TNIK: variants seen among roughly 807,000 people sequenced by gnomAD.
The protein encoded by TNIK is TRAF2 and NCK interacting kinase, also known as TRAF2 and NCK-interacting protein kinase.
TNIK carries 49 observed loss-of-function variants against 191.3 expected under a neutral mutation model. The ratio of observed to expected loss-of-function variants is 0.26; its 90% CI spans 0.20 to 0.32. TNIK has a LOEUF of 0.32. Among genes scored for constraint, TNIK ranks in the 10% least tolerant of loss-of-function variants. TNIK has a pLI of 1.00. For synonymous variants in TNIK, 594 were observed against 600.9 expected (o/e 0.99, Z 0.17); for missense variants, 1,155 against 1,702.3 (o/e 0.68, Z 5.66).
At chr3:171,256,660 A>T (rs1433768773) in intron 2 of TNIK, among the ~76,000 whole-genome samples, 1 of 152,208 alleles carries the variant, frequency 6.6e-6, no homozygotes, top group Non-Finnish European at 1.5e-5. Flanking sequence ...CTGAGGAGTC[A>T]TCCAATTTAC....
At chr3:171,314,213 C>T (rs1429890106) in intron 2 of TNIK, among the ~76,000 whole-genome samples, 1 of 152,174 alleles carries the variant, frequency 6.6e-6, no homozygotes, top group Non-Finnish European at 1.5e-5. Context: ...CTGAAGACTT[C>T]CAGCATCAGA....
intron 2 of TNIK, among the ~76,000 whole-genome samples, chr3:171,361,100 G>A (rs1714905413): frequency 2.0e-5 from 3 of 152,138 alleles, no homozygotes; most frequent in African/African-American, 7.2e-5. Context: ...ACCCAAAAGA[G>A]CACTTACACT....
chr3:171,110,969 G>T, intron 18 of TNIK, 92 bp from the exon 19 acceptor site: 2 of 1,304,716 alleles, frequency 1.5e-6, no homozygotes, highest in East Asian at 2.8e-5. Flanking sequence ...CCCAAAATAT[G>T]TAAGGAACTC....
In TNIK at chr3:171,087,491, T is replaced by G. The variant is rs1340420482; in HGVS notation, c.2737A>C (p.Lys913Gln). ...LMIRETSGEK[K>Q]RSGHSDSNGF... ...TTGCTGTCACTGTGGCCAGATCGCT[T>G]CTTCTCTCCAGACGTCTGAGGGAGC... is the stretch of plus-strand genomic sequence containing the variant. Residue 913 changes from lysine to glutamine, a missense_variant, in exon 24 of 33, where the codon AAG (lysine) becomes CAG (glutamine). Coordinates refer to ENST00000436636, the MANE Select transcript of TNIK (RefSeq NM_015028.4). 4.3e-6 allele frequency: 7 copies of G among 1,613,814 alleles called. No homozygotes were observed. The highest frequency in any genetic ancestry group is 5.9e-6 in the Non-Finnish European group (7 of 1,179,842).
chr3:171,345,012 A>G (rs1259321138), intron 2 of TNIK, among the ~76,000 whole-genome samples: 1 of 152,126 alleles, frequency 6.6e-6, no homozygotes, highest in African/African-American at 2.4e-5. Context: ...TATCCTTTAT[A>G]AGAGATAATG....
chr3:171,324,006 A>G lies in TNIK; in HGVS notation c.123+45614T>C, dbSNP rs1210796168. Among the ~76,000 whole-genome samples the G allele has an allele frequency of 1.3e-5, 2 of 152,182 alleles. 1 individual carries two copies. The highest frequency in any genetic ancestry group is 1.3e-4 in the Admixed American group (2 of 15,282). ...CAGAAATGAAACTGCCAATCCCTAC[A>G]GTAGCTCCAGTAAATATCCATTGGC... On this transcript the variant is annotated intron_variant, in intron 2 of 32. Coordinates refer to ENST00000436636, the MANE Select transcript of TNIK (RefSeq NM_015028.4).
intron 1 of TNIK, among the ~76,000 whole-genome samples, chr3:171,374,714 A>C (rs1716984678): frequency 6.6e-6 from 1 of 152,220 alleles, no homozygotes; most frequent in African/African-American, 2.4e-5. Flanking sequence ...TCCTTGAAAG[A>C]AAATGTAATT....
At chr3:171,103,314 A>C (rs1432713479) in intron 21 of TNIK, among the ~76,000 whole-genome samples, 1 of 152,160 alleles carries the variant, frequency 6.6e-6, no homozygotes, top group Non-Finnish European at 1.5e-5. Context: ...ATATTATAAA[A>C]AGAAGAGGAA....
intron 2 of TNIK, among the ~76,000 whole-genome samples, chr3:171,340,139 T>A (rs975218440): frequency 2.0e-5 from 3 of 152,338 alleles, no homozygotes; most frequent in East Asian, 1.9e-4. Flanking sequence ...CTAATATTTT[T>A]AAAGTTACAA....
rs760417147 is a variant in TNIK at position 171,088,237 on chromosome 3, CT to C, written c.2722-732del. 5.1e-3 allele frequency among the ~76,000 whole-genome samples: 733 copies of C among 142,706 alleles called. 1 individual carries two copies. The highest frequency in any genetic ancestry group is 7.8e-3 in the Non-Finnish European group (508 of 64,758). 93.6% of individuals were successfully genotyped at this position (142,706 alleles called of 152,430 possible). Reference sequence around the variant, plus strand: ...TTTTTAATGTCCTTTAAAGGTTTTTCTTTTTTTTTTTTTTGAGATGGACTCT... The same window carrying C: ...TTTTTAATGTCCTTTAAAGGTTTTTCTTTTTTTTTTTTTGAGATGGACTCT... On this transcript the variant is annotated intron_variant, in intron 23 of 32. Transcript: ENST00000436636.
chr3:171,158,463 C>A (rs759647270), intron 11 of TNIK, among the ~76,000 whole-genome samples: 1 of 152,190 alleles, frequency 6.6e-6, no homozygotes, highest in Admixed American at 6.5e-5. Flanking sequence ...CTGCCCTGCT[C>A]GCAGGTGAAC....
chr3:171,279,209 TAAAAC>T (rs1374974036), intron 2 of TNIK, among the ~76,000 whole-genome samples: 6 of 152,124 alleles, frequency 3.9e-5, no homozygotes, highest in African/African-American at 1.4e-4. Flanking sequence ...TAAAATAAAC[TAAAAC>T]AAAAGTCATC....
At chr3:171,156,552 C>T (rs1255764487) in intron 12 of TNIK, among the ~76,000 whole-genome samples, 5 of 152,228 alleles carry the variant, frequency 3.3e-5, no homozygotes, top group African/African-American at 9.7e-5. Context: ...TATGCTCTCT[C>T]GGTTTCCTAA....
chr3:171,179,455 T>A (rs1040339109), intron 7 of TNIK, among the ~76,000 whole-genome samples: 2 of 127,846 alleles, frequency 1.6e-5, no homozygotes, highest in Non-Finnish European at 3.2e-5. Context: ...GGTTTTTTGT[T>A]TTTTTTTTTT....
chr3:171,094,879 G>T (rs1325048013), intron 22 of TNIK, among the ~76,000 whole-genome samples: 1 of 151,770 alleles, frequency 6.6e-6, no homozygotes, highest in African/African-American at 2.4e-5. Flanking sequence ...CCCTCTCATT[G>T]CTTGTGATGG....
chr3:171,267,850 G>C (rs554234184), intron 2 of TNIK, among the ~76,000 whole-genome samples: 44 of 152,262 alleles, frequency 2.9e-4, no homozygotes, highest in African/African-American at 1.0e-3. Flanking sequence ...CAGGTTTACT[G>C]AGCTCCCACC....
intron 2 of TNIK, among the ~76,000 whole-genome samples, chr3:171,280,056 T>A (rs1750244386): frequency 6.6e-6 from 1 of 152,212 alleles, no homozygotes; most frequent in Admixed American, 6.5e-5. Context: ...AGCCAAGTAC[T>A]TTCCCATCTG....
intron 4 of TNIK, among the ~76,000 whole-genome samples, chr3:171,195,801 T>G (rs960636071): frequency 4.6e-5 from 7 of 152,038 alleles, no homozygotes; most frequent in African/African-American, 1.4e-4. Context: ...GACCTATAAG[T>G]GCTTATAGGG....
At chr3:171,435,812 A>G (rs1725964579) in intron 1 of TNIK, among the ~76,000 whole-genome samples, 1 of 152,206 alleles carries the variant, frequency 6.6e-6, no homozygotes, top group Non-Finnish European at 1.5e-5. Flanking sequence ...TTGCTTATTA[A>G]TAAATAATAC....
Sources: allele counts gnomAD v4.1 joint callset (sites outside exome capture counted in the v4.1 genomes callset), GRCh38; gene constraint gnomAD v4.1.1; transcripts MANE v1.5; gene names NCBI Gene and HGNC (gene_info 2026-07-23, HGNC 2026-07-21).